CAPN13: variants seen among roughly 807,000 people sequenced by gnomAD.
The protein encoded by CAPN13 is calpain 13, also known as calpain-13.
In CAPN13, 90 loss-of-function variants were observed where a neutral mutation model predicts 98.4. The ratio of observed to expected loss-of-function variants is 0.92; its 90% CI spans 0.77 to 1.09. The LOEUF (loss-of-function observed/expected upper bound fraction) is 1.09, where lower values mean the gene tolerates loss of function less well. CAPN13 is among the 50% of genes least tolerant of loss of function. CAPN13 has a pLI of 0.00. For missense variants in CAPN13, 887 were observed against 841.3 expected (o/e 1.05, Z -0.67); for synonymous variants, 330 against 305.5 (o/e 1.08, Z -0.84).
rs1479139254 is a variant in CAPN13, at chr2:30,743,545, G to GA, written c.1282dup (p.Ser428PhefsTer12). Reference sequence around the variant, plus strand: ...GCTTTGGACAGTGTTTCTGAACGAGGAAAAAAACACGGGTGGAAATTTCTC... The same window carrying GA: ...GCTTTGGACAGTGTTTCTGAACGAGGAAAAAAAACACGGGTGGAAATTTCTC... On this transcript the variant is annotated frameshift_variant, in exon 13 of 23. Transcript: ENST00000295055. LOFTEE classifies it high-confidence loss of function. The GA allele has an allele frequency of 1.2e-6, 2 of 1,613,808 alleles. No homozygotes were observed. Among genetic ancestry groups the GA allele is most frequent in the South Asian group, 1.1e-5 (1 of 91,076 alleles).
At chr2:30,776,075 G>T in intron 3 of CAPN13, 30 bp from the exon 4 acceptor site, 3 of 1,478,980 alleles carry the variant, frequency 2.0e-6, no homozygotes, top group Non-Finnish European at 1.9e-6. Context: ...AGGAAAGGCT[G>T]ATTGGACACA....
chr2:30,731,197 T>C (rs748058826), intron 21 of CAPN13, 147 bp downstream of exon 21: 11 of 645,484 alleles, frequency 1.7e-5, no homozygotes, highest in Non-Finnish European at 2.9e-5. Flanking sequence ...CAGCGATATA[T>C]AAGGCAGTAA....
At chr2:30,788,488 C>G (rs919346211) in intron 1 of CAPN13, among the ~76,000 whole-genome samples, 2 of 152,090 alleles carry the variant, frequency 1.3e-5, no homozygotes, top group African/African-American at 4.8e-5. Context: ...TCCATACTTC[C>G]TAGTTATGGG....
intron 8 of CAPN13, among the ~76,000 whole-genome samples, chr2:30,756,143 C>G (rs1056947707): frequency 1.3e-5 from 2 of 152,054 alleles, no homozygotes; most frequent in African/African-American, 4.8e-5. Context: ...GCAAACATCA[C>G]GGCCATGTTC....
intron 22 of CAPN13, among the ~76,000 whole-genome samples, chr2:30,728,613 T>TA (rs1670944276): frequency 6.6e-6 from 1 of 152,140 alleles, no homozygotes; most frequent in African/African-American, 2.4e-5. Flanking sequence ...AAGTTGTGGT[T>TA]AGATGGTGGG....
chr2:30,759,554 A>C (rs1382626920), intron 7 of CAPN13, among the ~76,000 whole-genome samples: 1 of 152,198 alleles, frequency 6.6e-6, no homozygotes, highest in Non-Finnish European at 1.5e-5. Flanking sequence ...TCTTGGTCAG[A>C]GGAGAAGGAC....
At chr2:30,744,734 T>C (rs1671823292) in intron 12 of CAPN13, among the ~76,000 whole-genome samples, 1 of 152,096 alleles carries the variant, frequency 6.6e-6, no homozygotes, top group African/African-American at 2.4e-5. Flanking sequence ...GGGAACAACG[T>C]GGGGGTTCTT....
At chr2:30,761,584 C>A (rs999775456) in intron 7 of CAPN13, among the ~76,000 whole-genome samples, 2 of 152,190 alleles carry the variant, frequency 1.3e-5, no homozygotes, top group East Asian at 1.9e-4. Flanking sequence ...AAGGCTATCT[C>A]AATGTATAAA....
In CAPN13 at chr2:30,787,103, G is replaced by A. The variant is rs781343126; in HGVS notation, c.198+25C>T. On this transcript the variant is annotated intron_variant, in intron 2 of 22. Transcript: ENST00000295055. ...GCGACTCCGAGGACCCTGGAGCTGG[G>A]TATGCTCGTGTGGGGCTCACTCACC... The A allele has an allele frequency of 1.6e-5, 24 of 1,520,584 alleles. 1 individual carries two copies. The South Asian group carries it at 2.4e-4, about 15-fold the overall frequency. The allele number at this position is 1,520,584 out of a possible 1,614,324, so 94.2% of individuals were successfully genotyped here. A position where few individuals can be genotyped will look rare whatever the true frequency, so the allele number is the denominator to read the frequency against.
At chr2:30,761,122 G>A (rs1044083368) in intron 7 of CAPN13, among the ~76,000 whole-genome samples, 1 of 152,226 alleles carries the variant, frequency 6.6e-6, no homozygotes, top group Non-Finnish European at 1.5e-5. Context: ...AATCTCCAAG[G>A]AGGGGATATA....
intron 11 of CAPN13, among the ~76,000 whole-genome samples, chr2:30,747,412 C>T (rs1671968051): frequency 6.6e-6 from 1 of 152,200 alleles, no homozygotes; most frequent in African/African-American, 2.4e-5. Context: ...CACTGGGCCC[C>T]ACCCATGTGT....
At chr2:30,780,597 T>C (rs1416981521) in intron 2 of CAPN13, among the ~76,000 whole-genome samples, 1 of 152,240 alleles carries the variant, frequency 6.6e-6, no homozygotes, top group African/African-American at 2.4e-5. Flanking sequence ...GATATTTTAA[T>C]GTGATGAAAA....
Position 30,800,125 on chromosome 2 carries a change from AAAG to A in CAPN13, c.-33+7174_-33+7176del, listed in dbSNP as rs1427863422. ...AAGAAAGAAAAGAAAGAAAAGAAAG[AAAG>A]AAAGAAAGAAAGAAAGAAAGAAAGA... On this transcript the variant is annotated intron_variant, in intron 1 of 22. Transcript: ENST00000295055. Among the ~76,000 whole-genome samples, 489 of 115,496 alleles carry A rather than the reference AAAG, an allele frequency of 4.2e-3. 4 individuals are homozygous for A. Among genetic ancestry groups the A allele is most frequent in the African/African-American group, 0.018 (464 of 26,150 alleles). 75.8% of individuals were successfully genotyped at this position (115,496 alleles called of 152,430 possible). A position where few individuals can be genotyped will look rare whatever the true frequency, so the allele number is the denominator to read the frequency against.
chr2:30,753,923 T>C (rs899082966), intron 9 of CAPN13, among the ~76,000 whole-genome samples: 9 of 152,178 alleles, frequency 5.9e-5, no homozygotes, highest in African/African-American at 2.2e-4. Context: ...TTTGACGTCA[T>C]GCTAGAGGAA....
chr2:30,787,380 C>A, intron 1 of CAPN13, 23 bp from the exon 2 acceptor site: 2 of 1,524,206 alleles, frequency 1.3e-6, no homozygotes, highest in Non-Finnish European at 1.8e-6. Context: ...AAAAGGGATA[C>A]CTTTGGGGTA....
chr2:30,727,652 T>A (rs1670903985), intron 22 of CAPN13, among the ~76,000 whole-genome samples: 1 of 152,088 alleles, frequency 6.6e-6, no homozygotes, highest in African/African-American at 2.4e-5. Context: ...AGACAGACAA[T>A]GACAAGGGTT....
chr2:30,754,031 G>T (rs536252722), intron 9 of CAPN13, among the ~76,000 whole-genome samples: 1 of 152,116 alleles, frequency 6.6e-6, no homozygotes, highest in Non-Finnish European at 1.5e-5. Flanking sequence ...TCAAGCCTTT[G>T]GTGCCAATGT....
intron 11 of CAPN13, among the ~76,000 whole-genome samples, chr2:30,747,086 GA>G (rs1671952090): frequency 6.6e-6 from 1 of 152,204 alleles, no homozygotes; most frequent in Admixed American, 6.5e-5. Context: ...ATGCTTGTAG[GA>G]ATGTCTGTGT....
intron 5 of CAPN13, among the ~76,000 whole-genome samples, chr2:30,767,281 C>T (rs1211744671): frequency 1.3e-5 from 2 of 152,136 alleles, no homozygotes; most frequent in Non-Finnish European, 2.9e-5. Flanking sequence ...TTCAGAGCTT[C>T]CTTTTTTGGA....
Sources: allele counts gnomAD v4.1 joint callset (sites outside exome capture counted in the v4.1 genomes callset), GRCh38; gene constraint gnomAD v4.1.1; transcripts MANE v1.5; gene names NCBI Gene and HGNC (gene_info 2026-07-23, HGNC 2026-07-21).